Variants in TANC2 observed in about 807,000 individuals in gnomAD.
TANC2 encodes tetratricopeptide repeat, ankyrin repeat and coiled-coil containing 2.
Under a neutral mutation model 210.5 loss-of-function variants are expected in TANC2, and 26 were observed. That is an observed-to-expected ratio of 0.12 (90% confidence interval 0.09 to 0.17). The LOEUF (loss-of-function observed/expected upper bound fraction) is 0.17. Among genes scored for constraint, TANC2 ranks in the 10% least tolerant of loss-of-function variants. TANC2 has a pLI of 1.00. For synonymous variants in TANC2, 931 were observed against 967.1 expected (o/e 0.96, Z 0.69); for missense variants, 2,129 against 2,608.9 (o/e 0.82, Z 4.01).
intron 4 of TANC2, among the ~76,000 whole-genome samples, chr17:63,147,238 A>AAGGC (rs1012913201): frequency 2.0e-5 from 3 of 152,018 alleles, no homozygotes; most frequent in African/African-American, 4.8e-5. Context: ...GACTACTCGG[A>AAGGC]AGGCTGAGAT....
chr17:63,284,000 G>A (rs1034012965), intron 9 of TANC2, among the ~76,000 whole-genome samples: 1 of 151,824 alleles, frequency 6.6e-6, no homozygotes, highest in African/African-American at 2.4e-5. Context: ...GTACAATGTT[G>A]AGTAGAAACA....
chr17:62,995,632 G>A (rs1022443152), intron 1 of TANC2, among the ~76,000 whole-genome samples: 1 of 152,176 alleles, frequency 6.6e-6, no homozygotes, highest in African/African-American at 2.4e-5. Flanking sequence ...TTGAAGCAGT[G>A]CTTGTACTAC....
intron 2 of TANC2, 82 bp downstream of exon 2, chr17:63,009,708 C>A: frequency 8.5e-7 from 1 of 1,169,732 alleles, no homozygotes; most frequent in Non-Finnish European, 1.3e-6. Flanking sequence ...TGCTGTAACA[C>A]TTTATTAATG....
At chr17:63,189,494 C>G (rs1200354584) in intron 5 of TANC2, among the ~76,000 whole-genome samples, 2 of 152,122 alleles carry the variant, frequency 1.3e-5, no homozygotes, top group Admixed American at 6.5e-5. Context: ...ATTTGCATTT[C>G]CCTTAATGAC....
chr17:63,073,338 T>C (rs889997404), intron 2 of TANC2, among the ~76,000 whole-genome samples: 5 of 152,080 alleles, frequency 3.3e-5, no homozygotes, highest in African/African-American at 7.2e-5. Context: ...TTTCTTAACA[T>C]GCATGAGGGA....
chr17:63,309,967 G>T (rs2045062319), intron 9 of TANC2, among the ~76,000 whole-genome samples: 1 of 90,960 alleles, frequency 1.1e-5, no homozygotes, highest in African/African-American at 9.6e-5. Flanking sequence ...TAACCCTTTG[G>T]GGGAAAAAAA....
chr17:63,044,093 T>A (rs1191058412), intron 2 of TANC2, among the ~76,000 whole-genome samples: 1 of 152,190 alleles, frequency 6.6e-6, no homozygotes, highest in African/African-American at 2.4e-5. Flanking sequence ...TTTTCTTAAA[T>A]GTTCATCTGA....
intron 2 of TANC2, among the ~76,000 whole-genome samples, chr17:63,029,845 G>A (rs1455820196): frequency 1.3e-5 from 2 of 152,176 alleles, no homozygotes; most frequent in Non-Finnish European, 2.9e-5. Context: ...CAAGTTAATA[G>A]TGGTCCAAAT....
At chr17:63,147,653 T>C (rs1393035162) in intron 4 of TANC2, among the ~76,000 whole-genome samples, 3 of 152,182 alleles carry the variant, frequency 2.0e-5, no homozygotes, top group Admixed American at 6.5e-5. Context: ...CCAGGTGATA[T>C]TATACTGCTG....
At chr17:63,112,565 C>T (rs1022303145) in intron 4 of TANC2, among the ~76,000 whole-genome samples, 4 of 152,142 alleles carry the variant, frequency 2.6e-5, no homozygotes, top group African/African-American at 9.7e-5. Context: ...CCCAGCTGAA[C>T]GAAGAACCCG....
chr17:63,273,407 A>G (rs1018755910), intron 9 of TANC2, among the ~76,000 whole-genome samples: 2 of 152,206 alleles, frequency 1.3e-5, no homozygotes, highest in East Asian at 1.9e-4. Flanking sequence ...TTAAAATAAT[A>G]ATAGGGATTG....
intron 2 of TANC2, among the ~76,000 whole-genome samples, chr17:63,020,745 T>A (rs1468855882): frequency 3.3e-5 from 5 of 152,222 alleles, no homozygotes; most frequent in African/African-American, 1.2e-4. Flanking sequence ...AAGGAATACT[T>A]GAGACTGAGT....
intron 4 of TANC2, among the ~76,000 whole-genome samples, chr17:63,109,323 A>T (rs1440876994): frequency 1.3e-5 from 2 of 151,712 alleles, no homozygotes; most frequent in Non-Finnish European, 2.9e-5. Flanking sequence ...AAAATGAAAA[A>T]GAGGGAGTGA....
chr17:63,407,471 C>G (rs1002150440), intron 21 of TANC2, among the ~76,000 whole-genome samples: 1 of 152,176 alleles, frequency 6.6e-6, no homozygotes, highest in African/African-American at 2.4e-5. Flanking sequence ...CTGCAAAGTA[C>G]CTGTCATGTG....
At chr17:63,052,827 G>A (rs192347776) in intron 2 of TANC2, among the ~76,000 whole-genome samples, 18 of 152,280 alleles carry the variant, frequency 1.2e-4, no homozygotes, top group African/African-American at 4.3e-4. Flanking sequence ...TAATTTATTT[G>A]CTGTTATGAC....
chr17:63,360,114 G>A (rs2046914500), intron 14 of TANC2, among the ~76,000 whole-genome samples: 3 of 152,270 alleles, frequency 2.0e-5, no homozygotes, highest in Admixed American at 2.0e-4. Context: ...TGTATAACAG[G>A]GCTTCTTATA....
intron 8 of TANC2, 72 bp from the exon 9 acceptor site, chr17:63,267,676 C>T: frequency 6.6e-7 from 1 of 1,514,632 alleles, no homozygotes; most frequent in Non-Finnish European, 8.9e-7. Flanking sequence ...TTCCAAAGTT[C>T]CGGAGATACA....
intron 8 of TANC2, among the ~76,000 whole-genome samples, chr17:63,252,209 CTG>C (rs1307286252): frequency 6.6e-6 from 1 of 151,704 alleles, no homozygotes; most frequent in Non-Finnish European, 1.5e-5. Context: ...AAAAATATAT[CTG>C]TATTAGGCTT....
At chr17:63,133,839 C>T (rs187555081) in intron 4 of TANC2, among the ~76,000 whole-genome samples, 30 of 152,132 alleles carry the variant, frequency 2.0e-4, no homozygotes, top group Admixed American at 1.8e-3. Context: ...TTTGATGATT[C>T]CTACACATAG....
Sources: gnomAD v4.1 joint callset for allele counts (sites outside exome capture counted in the v4.1 genomes callset) on GRCh38, gnomAD v4.1.1 for gene constraint, MANE v1.5 for transcripts, NCBI Gene and HGNC (gene_info 2026-07-23, HGNC 2026-07-21) for gene names.